MGLL: variants seen among roughly 807,000 people sequenced by gnomAD.
MGLL encodes the protein monoglyceride lipase, also known as lysophospholipase homolog.
MGLL carries 7 observed loss-of-function variants against 29.1 expected under a neutral mutation model. The observed-to-expected ratio is 0.24, with a 90% CI of 0.14 to 0.45. The LOEUF (loss-of-function observed/expected upper bound fraction) is 0.45, where lower values mean the gene tolerates loss of function less well. Among genes scored for constraint, MGLL ranks in the 20% least tolerant of loss-of-function variants. The probability of loss-of-function intolerance (pLI) is 0.99; values close to 1 mark genes in which losing one functional copy is unlikely to be tolerated. For missense variants in MGLL, 356 were observed against 413.6 expected (o/e 0.86, Z 1.21); for synonymous variants, 148 against 168.3 (o/e 0.88, Z 0.93).
At chr3:127,720,262 G>A (rs1433290599) in intron 5 of MGLL, among the ~76,000 whole-genome samples, 3 of 152,216 alleles carry the variant, frequency 2.0e-5, no homozygotes, top group Admixed American at 1.3e-4. Flanking sequence ...CCCCTGCCCA[G>A]CACTGGGGTG....
At chr3:127,771,347 T>C (rs2076944975) in intron 3 of MGLL, among the ~76,000 whole-genome samples, 3 of 152,156 alleles carry the variant, frequency 2.0e-5, no homozygotes, top group Admixed American at 6.5e-5. Flanking sequence ...CCTCCAGTTA[T>C]GCATTTTATT....
chr3:127,816,361 G>T (rs943448881), intron 2 of MGLL, among the ~76,000 whole-genome samples: 1 of 152,176 alleles, frequency 6.6e-6, no homozygotes, highest in African/African-American at 2.4e-5. Context: ...CTGACAACCT[G>T]ATTAGAAAAC....
At chr3:127,820,962 TC>T (rs1272304798) in intron 2 of MGLL, among the ~76,000 whole-genome samples, 1 of 152,166 alleles carries the variant, frequency 6.6e-6, no homozygotes, top group Non-Finnish European at 1.5e-5. Flanking sequence ...CACACAATGA[TC>T]CCTAGGAGAC....
chr3:127,693,332 C>T (rs1312717765), intron 7 of MGLL, among the ~76,000 whole-genome samples: 1 of 152,210 alleles, frequency 6.6e-6, no homozygotes, highest in East Asian at 1.9e-4. Flanking sequence ...CTTCCCAAGG[C>T]CACGGGGGGA....
chr3:127,731,253 C>G (rs2076144513), intron 3 of MGLL, among the ~76,000 whole-genome samples: 1 of 151,742 alleles, frequency 6.6e-6, no homozygotes, highest in Non-Finnish European at 1.5e-5. Flanking sequence ...CTCCTGGGCT[C>G]AAGCAATCCC....
intron 6 of MGLL, among the ~76,000 whole-genome samples, chr3:127,705,758 G>C (rs1317351605): frequency 7.2e-6 from 1 of 139,110 alleles, no homozygotes; most frequent in Admixed American, 7.4e-5. Flanking sequence ...CCTGGGCGAC[G>C]AGAGAGAAAC....
Position 127,821,756 on chromosome 3 carries a change from G to C in MGLL, c.93C>G (p.His31Gln). The C allele has an allele frequency of 6.2e-7, 1 of 1,614,220 alleles. No homozygotes were observed. The highest frequency in any genetic ancestry group is 8.5e-7 in the Non-Finnish European group (1 of 1,180,030). The change falls in exon 2 of 8, where the codon CAC (histidine) becomes CAG (glutamine). Residue 31 changes from histidine to glutamine, a missense_variant. Physicochemically the swap from His to Gln is conservative, Grantham distance 24. Transcript: ENST00000265052. The stretch of plus-strand genomic sequence containing the variant: ...GGTACTGTCCGTCTGCATTGACCAG[G>C]TGAGGGAGGTCCTGGTAGGGAATGC... ...PQSIPYQDLP[H>Q]LVNADGQYLF... is the part of the protein sequence containing the mutation.
chr3:127,773,750 G>A (rs1217540743), intron 3 of MGLL, among the ~76,000 whole-genome samples: 3 of 152,174 alleles, frequency 2.0e-5, no homozygotes, highest in African/African-American at 7.2e-5. Flanking sequence ...TCGTTACAAG[G>A]AGACTCAGGC....
rs1559898773 is a variant in MGLL at position 127,691,136 on chromosome 3, A to G, written c.*1062T>C. 6.5e-6 allele frequency: 1 copy of G among 152,762 alleles called. No individual in the cohort carries two copies. The highest frequency in any genetic ancestry group is 1.9e-4 in the East Asian group (1 of 5,140). 9.5% of individuals were successfully genotyped at this position (152,762 alleles called of 1,614,324 possible). ...GCCCAGGCCTAGGGATCATAGCCCC[A>G]TAGGGTGCCACTGCTCCATGGTCCC... On this transcript the variant is annotated 3_prime_UTR_variant, in exon 8 of 8. Coordinates refer to ENST00000265052, the MANE Select transcript of MGLL (RefSeq NM_007283.7).
intron 5 of MGLL, chr3:127,715,711 G>A (rs1389369854): frequency 2.2e-6 from 1 of 456,742 alleles, no homozygotes; most frequent in Non-Finnish European, 4.4e-6. Flanking sequence ...GAAGCAGTGG[G>A]GAAGGAAGGA....
chr3:127,735,806 C>T, intron 3 of MGLL: 1 of 1,598,408 alleles, frequency 6.3e-7, no homozygotes, highest in Non-Finnish European at 8.5e-7. Flanking sequence ...TTCTGGCATT[C>T]TCTTGGTGCT....
At chr3:127,722,652 C>G in intron 3 of MGLL, 86 bp from the exon 4 acceptor site, 2 of 1,576,962 alleles carry the variant, frequency 1.3e-6, no homozygotes, top group African/African-American at 1.3e-5. Flanking sequence ...TGCAATCGCT[C>G]TCTCTCCTGA....
intron 2 of MGLL, among the ~76,000 whole-genome samples, chr3:127,790,526 T>C (rs2077282206): frequency 6.6e-6 from 1 of 152,058 alleles, no homozygotes; most frequent in Admixed American, 6.6e-5. Flanking sequence ...CAGCAGGAGA[T>C]GAGATGGAGG....
rs11433015 is a variant in MGLL at position 127,692,094 on chromosome 3, A to ATTTTTTTTTTTTTTTTTTTT, written c.*84_*103dup. On this transcript the variant is annotated 3_prime_UTR_variant, in exon 8 of 8. Transcript: ENST00000265052. ...GTGCTAAGGATTTCTCCAATTTCTG[A>ATTTTTTTTTTTTTTTTTTTT]TTTTTTTTTTTTTTTTTTTTTGGCA... The ATTTTTTTTTTTTTTTTTTTT allele has an allele frequency of 1.5e-6, 1 of 687,538 alleles. No individual in the cohort carries two copies. The highest frequency in any genetic ancestry group is 2.2e-6 in the Non-Finnish European group (1 of 460,474). 42.6% of individuals were successfully genotyped at this position (687,538 alleles called of 1,614,324 possible).
At chr3:127,763,345 G>C (rs1241930809) in intron 3 of MGLL, among the ~76,000 whole-genome samples, 1 of 152,234 alleles carries the variant, frequency 6.6e-6, no homozygotes, top group African/African-American at 2.4e-5. Flanking sequence ...TGGGGACCTA[G>C]AGTGATGTCT....
chr3:127,700,282 C>T (rs189029494), intron 6 of MGLL, among the ~76,000 whole-genome samples: 6 of 152,258 alleles, frequency 3.9e-5, no homozygotes, highest in South Asian at 4.1e-4. Context: ...CTTGAATGGC[C>T]GGAGACATAA....
chr3:127,695,197 G>A lies in MGLL; in HGVS notation c.601-7C>T. 1 of 1,612,746 alleles carries A rather than the reference G, an allele frequency of 6.2e-7. No homozygotes were observed. The highest frequency in any genetic ancestry group is 8.5e-7 in the Non-Finnish European group (1 of 1,178,960). ...CTGAGTTATAAATGTCGACCTGGAG[G>A]AAGAAGGAGAGGGTTCCATCAGCAT... On this transcript the variant is annotated splice_polypyrimidine_tract_variant and splice_region_variant and intron_variant, in intron 6 of 7. Transcript: ENST00000265052.
rs559497614 is a variant in MGLL at position 127,689,311 on chromosome 3, G to T, written c.*2887C>A. 4.6e-5 allele frequency: 7 copies of T among 152,330 alleles called. No homozygotes were observed. Among genetic ancestry groups the T allele is most frequent in the Admixed American group, 3.9e-4 (6 of 15,296 alleles). 9.4% of individuals were successfully genotyped at this position (152,330 alleles called of 1,614,324 possible). On this transcript the variant is annotated 3_prime_UTR_variant, in exon 8 of 8. Coordinates refer to ENST00000265052, the MANE Select transcript of MGLL (RefSeq NM_007283.7). ...TGGGCCTGGAGGTGGGATCCTGTGG[G>T]TTTTCAGAGCACCCACCAGTGCTCC...
rs577435929 is a variant in MGLL at position 127,750,208 on chromosome 3, G to A, written c.263-27642C>T. ...AGAAAGCTACTTCTGTGTCCCGTTC[G>A]TCTCCTGGTGTAATCAGGGCACCGT... On this transcript the variant is annotated intron_variant, in intron 3 of 7. Coordinates refer to ENST00000265052, the MANE Select transcript of MGLL (RefSeq NM_007283.7). Among the ~76,000 whole-genome samples, 16 of 152,182 alleles carry A rather than the reference G, an allele frequency of 1.1e-4. No homozygotes were observed. The South Asian group carries it at 2.1e-3, about 20-fold the overall frequency.
Sources: gnomAD v4.1 joint callset for allele counts (sites outside exome capture counted in the v4.1 genomes callset) on GRCh38, gnomAD v4.1.1 for gene constraint, MANE v1.5 for transcripts, NCBI Gene and HGNC (gene_info 2026-07-23, HGNC 2026-07-21) for gene names.